Variants in POR observed in about 807,000 individuals in gnomAD.
POR encodes cytochrome p450 oxidoreductase, also known as NADPH--cytochrome P450 reductase.
A neutral mutation model predicts 84.0 loss-of-function variants in POR; 56 were observed. The observed-to-expected ratio is 0.67, with a 90% CI of 0.54 to 0.83. The LOEUF (loss-of-function observed/expected upper bound fraction) is 0.83, where lower values mean the gene tolerates loss of function less well. POR is among the 40% of genes least tolerant of loss of function. POR has a pLI of 0.00. For synonymous variants in POR, 414 were observed against 400.5 expected, an observed-to-expected ratio of 1.03 and a Z score of -0.40; for missense variants, 938 against 944.3, an observed-to-expected ratio of 0.99 and a Z score of 0.09.
chr7:75,972,136 G>C (rs948399618), intron 2 of POR, among the ~76,000 whole-genome samples: 1 of 152,160 alleles, frequency 6.6e-6, no homozygotes, highest in Non-Finnish European at 1.5e-5. Flanking sequence ...GTGCAGGAGA[G>C]GTCTTGGCTT....
At chr7:75,978,012 G>A (rs989425892) in intron 3 of POR, among the ~76,000 whole-genome samples, 1 of 152,190 alleles carries the variant, frequency 6.6e-6, no homozygotes, top group Non-Finnish European at 1.5e-5. Context: ...TGGAGGAGGA[G>A]GGTGGACTGA....
chr7:75,923,875 C>T (rs1264573570), intron 1 of POR, among the ~76,000 whole-genome samples: 5 of 146,072 alleles, frequency 3.4e-5, no homozygotes, highest in African/African-American at 5.1e-5. Flanking sequence ...GCAACAAGAG[C>T]GAAACTCCAT....
In POR at chr7:75,954,040, C is replaced by T. The variant is rs782678930; in HGVS notation, c.48C>T (p.Ser16=). Residue 16 remains serine, a synonymous_variant, in exon 2 of 16, where the codon TCC becomes TCT. Transcript: ENST00000461988. ...ACGTGGACACCAGCTCCACCGTGTCCGAGGCGGTGGCCGAAGAAGTATCTC... is the reference window on the plus strand; with the variant it reads ...ACGTGGACACCAGCTCCACCGTGTCTGAGGCGGTGGCCGAAGAAGTATCTC... 1.1e-5 allele frequency: 17 copies of T among 1,609,582 alleles called. No homozygotes were observed. Among genetic ancestry groups the T allele is most frequent in the Admixed American group, 6.7e-5 (4 of 59,296 alleles).
At chr7:75,920,464 A>G (rs1806800504) in intron 1 of POR, among the ~76,000 whole-genome samples, 1 of 152,160 alleles carries the variant, frequency 6.6e-6, no homozygotes, top group African/African-American at 2.4e-5. Flanking sequence ...GAGGAGGAAG[A>G]TGGGGCATTG....
At chr7:75,935,714 T>G (rs1554550738) in intron 1 of POR, among the ~76,000 whole-genome samples, 1 of 150,598 alleles carries the variant, frequency 6.6e-6, no homozygotes, top group African/African-American at 2.4e-5. Flanking sequence ...GTCAGACACT[T>G]GGGATTTTTC....
chr7:75,948,624 A>G (rs1787282297), intron 1 of POR, among the ~76,000 whole-genome samples: 1 of 152,238 alleles, frequency 6.6e-6, no homozygotes, highest in African/African-American at 2.4e-5. Context: ...CAGATTATAA[A>G]GGCATTCCAT....
Position 75,934,067 on chromosome 7 carries a change from G to A in POR, c.-5+18888G>A, listed in dbSNP as rs535864120. 2.5e-3 allele frequency among the ~76,000 whole-genome samples: 355 copies of A among 143,286 alleles called. 1 individual carries two copies. The highest frequency in any genetic ancestry group is 4.0e-3 in the Non-Finnish European group (266 of 66,790). The allele number at this position is 143,286 out of a possible 152,430, so 94.0% of individuals were successfully genotyped here. On this transcript the variant is annotated intron_variant, in intron 1 of 15. Transcript: ENST00000461988. ...TCATAGAGTTTCTTTACATTTTGCC[G>A]TTAATATCTTTTACATCAGAAAAAA...
In POR at chr7:75,985,142, G is replaced by A. The variant is rs1554558909; in HGVS notation, c.1333G>A (p.Asp445Asn). 2.5e-6 allele frequency: 4 copies of A among 1,599,784 alleles called. No homozygotes were observed. Among genetic ancestry groups the A allele is most frequent in the Middle Eastern group, 1.7e-4 (1 of 6,060 alleles). Residue 445 changes from aspartate to asparagine, a missense_variant, in exon 12 of 16, where the codon GAC becomes AAC. Physicochemically the swap from Asp to Asn is conservative, Grantham distance 23. Transcript: ENST00000461988. The stretch of plus-strand genomic sequence containing the variant: ...CTGCCCGTCCCTGCGGCCCCCCATC[G>A]ACCACCTGTGTGAGCTGCTGCCGCG...
At chr7:75,949,708 C>T (rs1243293109) in intron 1 of POR, among the ~76,000 whole-genome samples, 1 of 150,846 alleles carries the variant, frequency 6.6e-6, no homozygotes, top group East Asian at 2.0e-4. Context: ...TTAGTAGAGA[C>T]AGGGTTTCAC....
At chr7:75,937,817 T>C (rs1317886143) in intron 1 of POR, among the ~76,000 whole-genome samples, 1 of 151,762 alleles carries the variant, frequency 6.6e-6, no homozygotes, top group Non-Finnish European at 1.5e-5. Flanking sequence ...GTGGGGATGG[T>C]CAGGAGGATG....
intron 1 of POR, among the ~76,000 whole-genome samples, chr7:75,943,505 C>T (rs1195532482): frequency 6.6e-6 from 1 of 152,154 alleles, no homozygotes; most frequent in Admixed American, 6.6e-5. Context: ...TGTTCGATCA[C>T]ATATAATAGA....
In POR at chr7:75,943,352, T is replaced by C. The variant is rs550071433; in HGVS notation, c.-4-10637T>C. Among the ~76,000 whole-genome samples the C allele has an allele frequency of 3.3e-5, 5 of 152,330 alleles. No homozygotes were observed. In the East Asian group the frequency reaches 5.8e-4, roughly 18 times the overall value. Reference sequence around the variant, plus strand: ...TTTAATATTCACTCTGAGCTCAAAATAGTCACACCAGACTTTACCACTGCT... The same window carrying C: ...TTTAATATTCACTCTGAGCTCAAAACAGTCACACCAGACTTTACCACTGCT... On this transcript the variant is annotated intron_variant, in intron 1 of 15. Coordinates refer to ENST00000461988, the MANE Select transcript of POR (RefSeq NM_000941.3).
At chr7:75,940,277 G>A (rs1807911706) in intron 1 of POR, among the ~76,000 whole-genome samples, 1 of 150,660 alleles carries the variant, frequency 6.6e-6, no homozygotes, top group Non-Finnish European at 1.5e-5. Flanking sequence ...AGTAGAGATG[G>A]GGTTTCGCCA....
chr7:75,982,215 C>T lies in POR; in HGVS notation c.732-9C>T. 2 of 1,605,180 alleles carry T rather than the reference C, an allele frequency of 1.2e-6. No individual in the cohort carries two copies. The highest frequency in any genetic ancestry group is 1.7e-6 in the Non-Finnish European group (2 of 1,176,068). ...CTTCCCGGCCTCACCCTTGGTCTCCCCTTTCCAGCATTCGCCAGTACGAGC... is the reference window on the plus strand; with the variant it reads ...CTTCCCGGCCTCACCCTTGGTCTCCTCTTTCCAGCATTCGCCAGTACGAGC... On this transcript the variant is annotated splice_polypyrimidine_tract_variant and intron_variant, in intron 7 of 15. Transcript: ENST00000461988.
chr7:75,985,793 C>T lies in POR; in HGVS notation c.1613C>T (p.Thr538Ile). ...CCTGTCATCATGGTGGGCCCCGGCA[C>T]CGGGGTGGCACCCTTCATAGGCTTC... Residue 538 changes from threonine to isoleucine, a missense_variant, in exon 13 of 16, where the codon ACC (threonine) becomes ATC (isoleucine). Transcript: ENST00000461988. 1 of 1,568,828 alleles carries T rather than the reference C, an allele frequency of 6.4e-7. No individual in the cohort carries two copies. Among genetic ancestry groups the T allele is most frequent in the Non-Finnish European group, 8.6e-7 (1 of 1,157,544 alleles).
intron 2 of POR, 114 bp from the exon 3 acceptor site, chr7:75,972,299 C>T (rs1788476551): frequency 5.4e-6 from 5 of 933,942 alleles, no homozygotes; most frequent in Non-Finnish European, 8.4e-6. Flanking sequence ...AATGTCCCCT[C>T]CCTGTGCTGC....
At chr7:75,972,503 G>A in intron 3 of POR, 42 bp downstream of exon 3, 1 of 1,525,704 alleles carries the variant, frequency 6.6e-7, no homozygotes, top group Non-Finnish European at 9.0e-7. Flanking sequence ...GGAAGCCTCG[G>A]CCCCGATGGG....
intron 1 of POR, among the ~76,000 whole-genome samples, chr7:75,945,555 C>T (rs62475267): frequency 0.03 from 4,576 of 152,034 alleles, 96 homozygotes; most frequent in Non-Finnish European, 0.049. Context: ...CCTCTCAGTC[C>T]CTGTGGGTTG....
rs138966928 is a variant in POR at position 75,976,701 on chromosome 7, C to T, written c.238-2750C>T. Among the ~76,000 whole-genome samples the T allele has an allele frequency of 1.3e-3, 196 of 151,738 alleles. 7 individuals carry two copies. In the South Asian group the frequency reaches 0.036, roughly 28 times the overall value. ...GGCAGAGGTTTCAGTGAGCCGAGAT[C>T]GCACCACTGCACTCCAGCCTAGGCG... On this transcript the variant is annotated intron_variant, in intron 3 of 15. Coordinates refer to ENST00000461988, the MANE Select transcript of POR (RefSeq NM_000941.3).
Sources: gnomAD v4.1 joint callset for allele counts (sites outside exome capture counted in the v4.1 genomes callset) on GRCh38, gnomAD v4.1.1 for gene constraint, MANE v1.5 for transcripts, NCBI Gene and HGNC (gene_info 2026-07-23, HGNC 2026-07-21) for gene names.